The following ADAMTS17 variants were observed in gnomAD, a reference collection of about 807,000 sequenced individuals.
ADAMTS17 encodes ADAM metallopeptidase with thrombospondin type 1 motif 17, also known as A disintegrin and metalloproteinase with thrombospondin motifs 17.
Under a neutral mutation model 141.5 loss-of-function variants are expected in ADAMTS17, and 113 were observed. The observed-to-expected ratio is 0.80, with a 90% CI of 0.69 to 0.93. The LOEUF (loss-of-function observed/expected upper bound fraction) is 0.93, where lower values mean the gene tolerates loss of function less well. Among genes scored for constraint, ADAMTS17 ranks in the 40% least tolerant of loss-of-function variants. The probability of loss-of-function intolerance (pLI) is 0.00; values close to 1 mark genes in which losing one functional copy is unlikely to be tolerated. For missense variants in ADAMTS17, 1,659 were observed against 1,517.9 expected (o/e 1.09, Z -1.54); for synonymous variants, 768 against 630.6 (o/e 1.22, Z -3.27).
chr15:100,180,157 C>G (rs947018978), intron 8 of ADAMTS17, among the ~76,000 whole-genome samples: 2 of 152,140 alleles, frequency 1.3e-5, no homozygotes, highest in Admixed American at 1.3e-4. Flanking sequence ...AGTTTGAGGT[C>G]TTAGATTTAA....
In ADAMTS17 at chr15:100,054,001, G is replaced by A. The variant is rs772243610; in HGVS notation, c.2191C>T (p.Pro731Ser). ...SINSDWKIEL[P>S]GEFQIAGTTV... is the part of the protein sequence containing the mutation. ...GTGCCTGCAATCTGGAACTCTCCGG[G>A]GAGCTCTATCTTCCAGTCACTGTTG... The change falls in exon 16 of 22, where the codon CCC (proline) becomes TCC (serine). Residue 731 changes from proline (P) to serine (S), a missense_variant. Coordinates refer to ENST00000268070, the MANE Select transcript of ADAMTS17 (RefSeq NM_139057.4). 3 of 1,614,146 alleles carry A rather than the reference G, an allele frequency of 1.9e-6. No individual in the cohort carries two copies. In the Admixed American group the frequency reaches 5.0e-5, roughly 27 times the overall value.
intron 20 of ADAMTS17, among the ~76,000 whole-genome samples, chr15:99,989,657 G>A (rs1473311414): frequency 6.6e-6 from 1 of 152,204 alleles, no homozygotes; most frequent in Admixed American, 6.5e-5. Flanking sequence ...CAGTCTTTGG[G>A]CTAGGATCAG....
intron 3 of ADAMTS17, chr15:100,305,802 TG>T (rs1449979983): frequency 6.6e-6 from 1 of 152,362 alleles, no homozygotes; most frequent in African/African-American, 2.4e-5. Context: ...GAGGACTGCT[TG>T]GGCCCAGTTC....
intron 15 of ADAMTS17, among the ~76,000 whole-genome samples, chr15:100,079,345 A>G (rs2034583005): frequency 6.6e-6 from 1 of 152,272 alleles, no homozygotes; most frequent in African/African-American, 2.4e-5. Flanking sequence ...TGATATCTCC[A>G]AACAATGGAA....
At chr15:100,191,192 G>C (rs2040904286) in intron 8 of ADAMTS17, among the ~76,000 whole-genome samples, 1 of 152,210 alleles carries the variant, frequency 6.6e-6, no homozygotes, top group Non-Finnish European at 1.5e-5. Flanking sequence ...TTAGGCAAGG[G>C]AATCTACCTG....
chr15:100,166,217 T>A (rs2039945782), intron 8 of ADAMTS17, among the ~76,000 whole-genome samples: 1 of 152,254 alleles, frequency 6.6e-6, no homozygotes, highest in Admixed American at 6.5e-5. Flanking sequence ...CTTTTTATTC[T>A]ATTGTAATGA....
At chr15:100,200,948 T>C (rs1311840401) in intron 7 of ADAMTS17, among the ~76,000 whole-genome samples, 1 of 152,200 alleles carries the variant, frequency 6.6e-6, no homozygotes, top group African/African-American at 2.4e-5. Context: ...ATTGCTCCTT[T>C]CCAAGGGCTC....
Position 100,245,915 on chromosome 15 carries a change from G to C in ADAMTS17, c.1075+8221C>G, listed in dbSNP as rs567471536. 2.0e-5 allele frequency among the ~76,000 whole-genome samples: 3 copies of C among 152,210 alleles called. No individual in the cohort carries two copies. In the East Asian group the frequency reaches 5.8e-4, roughly 29 times the overall value. On this transcript the variant is annotated intron_variant, in intron 7 of 21. Transcript: ENST00000268070. ...TGTGTACGTGTGTACATATGTGTCT[G>C]GTATTTGTGTGTAGGTAAGACACAT...
chr15:100,077,243 C>A (rs111884977), intron 15 of ADAMTS17, among the ~76,000 whole-genome samples: 5,326 of 118,678 alleles, frequency 0.045, 384 homozygotes, highest in African/African-American at 0.16. Context: ...CAGGAGTTTG[C>A]AACCAGCCTG....
intron 18 of ADAMTS17, among the ~76,000 whole-genome samples, chr15:100,042,432 A>G (rs1027595231): frequency 5.3e-5 from 8 of 152,126 alleles, no homozygotes; most frequent in African/African-American, 1.9e-4. Flanking sequence ...CTATGCACAG[A>G]TTTCTTTCTT....
intron 7 of ADAMTS17, among the ~76,000 whole-genome samples, chr15:100,226,361 C>T (rs191369852): frequency 5.3e-5 from 8 of 152,340 alleles, no homozygotes; most frequent in Admixed American, 3.9e-4. Flanking sequence ...AGGAGTCAGC[C>T]GGGGGAAAAG....
Position 100,341,867 on chromosome 15 carries a change from G to A in ADAMTS17, c.33C>T (p.Val11=), listed in dbSNP as rs1279471746. MCDGALLPPL[V]LPVLLLLVWG... ...AAACCAGCAGCAGCAGCACGGGCAG[G>A]ACGAGCGGAGGCAGCAGGGCGCCGT... The change falls in exon 1 of 22, where the codon GTC becomes GTT. Residue 11 remains valine, a synonymous_variant. Transcript: ENST00000268070. 1.3e-6 allele frequency: 2 copies of A among 1,552,854 alleles called. No homozygotes were observed. Among genetic ancestry groups the A allele is most frequent in the South Asian group, 2.4e-5 (2 of 84,200 alleles).
intron 3 of ADAMTS17, among the ~76,000 whole-genome samples, chr15:100,287,219 G>T (rs2044475361): frequency 6.6e-6 from 1 of 152,132 alleles, no homozygotes. Flanking sequence ...TGATGGAGCT[G>T]AAAATCTCAC....
At chr15:100,215,705 C>G (rs2041949382) in intron 7 of ADAMTS17, among the ~76,000 whole-genome samples, 2 of 151,956 alleles carry the variant, frequency 1.3e-5, no homozygotes, top group South Asian at 2.1e-4. Flanking sequence ...GCACAAGGCC[C>G]CTGGGCTGCT....
intron 3 of ADAMTS17, among the ~76,000 whole-genome samples, chr15:100,311,959 G>A (rs534702807): frequency 1.1e-3 from 174 of 152,262 alleles, no homozygotes; most frequent in African/African-American, 3.9e-3. Context: ...GTGCATGCTG[G>A]CTGGGGCTGT....
At chr15:100,062,505 G>C (rs376354295) in intron 15 of ADAMTS17, among the ~76,000 whole-genome samples, 3 of 152,156 alleles carry the variant, frequency 2.0e-5, no homozygotes, top group East Asian at 3.8e-4. Flanking sequence ...TTGCCTATTA[G>C]AGATTTGTTT....
intron 3 of ADAMTS17, among the ~76,000 whole-genome samples, chr15:100,289,484 T>C (rs2044556125): frequency 6.6e-6 from 1 of 152,174 alleles, no homozygotes; most frequent in Non-Finnish European, 1.5e-5. Flanking sequence ...TAACTCATTC[T>C]ATATGGTCAG....
Position 100,096,357 on chromosome 15 carries a change from T to C in ADAMTS17, c.2136A>G (p.Thr712=). 3 of 1,613,654 alleles carry C rather than the reference T, an allele frequency of 1.9e-6. No individual in the cohort carries two copies. The highest frequency in any genetic ancestry group is 3.3e-4 in the Middle Eastern group (2 of 6,016). The change falls in exon 15 of 22, where the codon ACA becomes ACG. Residue 712 remains threonine, a splice_region_variant and synonymous_variant. Coordinates refer to ENST00000268070, the MANE Select transcript of ADAMTS17 (RefSeq NM_139057.4). ...GCAGCCCCATGGGCCAACACTCACC[T>C]GTCCCCCGGGCGTGGCTGAAGTCGC... ...VKGDFSHARG[T]ALKDSGKGSI... is the part of the protein sequence containing the mutation.
At position 100,173,879 on chromosome 15, in the gene ADAMTS17, A is replaced by G. The variant is rs150923488; in HGVS notation, c.1182-18559T>C. Among the ~76,000 whole-genome samples, 71 of 152,348 alleles carry G rather than the reference A, an allele frequency of 4.7e-4. 1 individual carries two copies. The East Asian group carries it at 0.012, about 26-fold the overall frequency. On this transcript the variant is annotated intron_variant, in intron 8 of 21. Transcript: ENST00000268070. Reference sequence around the variant, plus strand: ...GCATCTGAATTTTACAGGGACTCCCAGGTGAGTCTAGTGTACCACTGAGGC... The same window carrying G: ...GCATCTGAATTTTACAGGGACTCCCGGGTGAGTCTAGTGTACCACTGAGGC...
Sources: gnomAD v4.1 joint callset for allele counts (sites outside exome capture counted in the v4.1 genomes callset) on GRCh38, gnomAD v4.1.1 for gene constraint, MANE v1.5 for transcripts, NCBI Gene and HGNC (gene_info 2026-07-23, HGNC 2026-07-21) for gene names.